Variants in LRP1B observed in about 807,000 individuals in gnomAD.
LRP1B encodes low-density lipoprotein receptor-related protein 1B.
Under a neutral mutation model 556.6 loss-of-function variants are expected in LRP1B, and 217 were observed. The ratio of observed to expected loss-of-function variants is 0.39; its 90% confidence interval spans 0.35 to 0.44. LRP1B has a LOEUF of 0.44. LRP1B is among the 20% of genes least tolerant of loss of function. LRP1B has a pLI of 1.00. For missense variants in LRP1B, 5,053 were observed against 5,620.8 expected, an observed-to-expected ratio of 0.90 and a Z score of 3.23; for synonymous variants, 2,047 against 1,865.8, an observed-to-expected ratio of 1.10 and a Z score of -2.50.
At chr2:141,818,144 G>A (rs1399676054) in intron 1 of LRP1B, among the ~76,000 whole-genome samples, 3 of 152,094 alleles carry the variant, frequency 2.0e-5, no homozygotes, top group Non-Finnish European at 1.5e-5. Flanking sequence ...TGCTAAAAGA[G>A]AAATATGGTT....
chr2:140,980,696 A>G (rs1013234978), intron 18 of LRP1B, among the ~76,000 whole-genome samples: 30 of 152,220 alleles, frequency 2.0e-4, no homozygotes, highest in Non-Finnish European at 4.4e-5. Context: ...TTCCTCAAAG[A>G]ACTAAAAGTA....
rs956915965 is a variant in LRP1B, at chr2:141,624,020, A to C, written c.206-143487T>G. Among the ~76,000 whole-genome samples, 24 of 124,964 alleles carry C rather than the reference A, an allele frequency of 1.9e-4. 1 individual carries two copies. Among genetic ancestry groups the C allele is most frequent in the Non-Finnish European group, 3.6e-4 (21 of 58,020 alleles). The allele number at this position is 124,964 out of a possible 152,430, so 82.0% of individuals were successfully genotyped here. A position where few individuals can be genotyped will look rare whatever the true frequency, so the allele number is the denominator to read the frequency against. On this transcript the variant is annotated intron_variant, in intron 2 of 90. Transcript: ENST00000389484. Reference sequence around the variant, plus strand: ...AACAGAGCAGAACTCCAACTCAAAAAAAAAAAAAAATTAAACAAAAAAAAA... The same window carrying C: ...AACAGAGCAGAACTCCAACTCAAAACAAAAAAAAAATTAAACAAAAAAAAA...
intron 1 of LRP1B, among the ~76,000 whole-genome samples, chr2:141,931,753 GT>G (rs1700513738): frequency 6.6e-6 from 1 of 151,962 alleles, no homozygotes; most frequent in Admixed American, 6.6e-5. Context: ...ATAAATACAT[GT>G]TTTAGAGAAG....
chr2:141,070,101 A>G (rs539354847), intron 7 of LRP1B, among the ~76,000 whole-genome samples: 56 of 151,482 alleles, frequency 3.7e-4, no homozygotes, highest in African/African-American at 1.2e-3. Context: ...ATGATTTCCA[A>G]TTTCATCCAT....
intron 37 of LRP1B, among the ~76,000 whole-genome samples, chr2:140,713,296 A>G (rs1027353764): frequency 6.7e-6 from 1 of 150,286 alleles, no homozygotes; most frequent in African/African-American, 2.4e-5. Flanking sequence ...TCCCTTTGGT[A>G]TTGGGATTTG....
chr2:141,094,236 A>C lies in LRP1B; in HGVS notation c.1014-31963T>G, dbSNP rs1032025044. Among the ~76,000 whole-genome samples, 25 of 152,332 alleles carry C rather than the reference A, an allele frequency of 1.6e-4. No individual in the cohort carries two copies. The Middle Eastern group carries it at 0.01, about 62-fold the overall frequency. ...ACTAAATATTCTTTAAACAAGTTTTAAATTGACATTTTGTTTATTCTAAAA... is the reference window on the plus strand; with the variant it reads ...ACTAAATATTCTTTAAACAAGTTTTCAATTGACATTTTGTTTATTCTAAAA... On this transcript the variant is annotated intron_variant, in intron 7 of 90. Coordinates refer to ENST00000389484, the MANE Select transcript of LRP1B (RefSeq NM_018557.3).
chr2:140,312,292 T>TTTAGGAGTAGAAGAAAGTAA (rs1305904925), intron 83 of LRP1B, among the ~76,000 whole-genome samples: 2 of 151,934 alleles, frequency 1.3e-5, no homozygotes, highest in Non-Finnish European at 2.9e-5. Context: ...AACTCCAAAC[T>TTTAGGAGTAGAAGAAAGTAA]TTAGGAGTAG....
chr2:141,342,193 G>A lies in LRP1B; in HGVS notation c.344-87552C>T, dbSNP rs565345351. 3.4e-4 allele frequency among the ~76,000 whole-genome samples: 51 copies of A among 148,014 alleles called. 1 individual carries two copies. Among genetic ancestry groups the A allele is most frequent in the Admixed American group, 1.8e-3 (27 of 14,764 alleles). ...TGGGAGGTGGAGGTTGCAGTGAGCC[G>A]AGATCGTGCCACCGCACTCCAGCCA... On this transcript the variant is annotated intron_variant, in intron 3 of 90. Transcript: ENST00000389484.
chr2:140,397,204 G>T (rs527929910), intron 66 of LRP1B, among the ~76,000 whole-genome samples: 2 of 151,728 alleles, frequency 1.3e-5, no homozygotes, highest in East Asian at 3.9e-4. Flanking sequence ...TTTAAGTTCT[G>T]GGGTACACGT....
intron 85 of LRP1B, among the ~76,000 whole-genome samples, chr2:140,271,411 G>A (rs1682455017): frequency 6.6e-6 from 1 of 151,858 alleles, no homozygotes; most frequent in African/African-American, 2.4e-5. Flanking sequence ...TCCCCATGAT[G>A]GATATCTATT....
chr2:141,350,270 ATGGGGCAAATGT>A (rs1319072821), intron 3 of LRP1B, among the ~76,000 whole-genome samples: 45 of 152,176 alleles, frequency 3.0e-4, no homozygotes, highest in African/African-American at 1.0e-3. Context: ...AACCATTTCA[ATGGGGCAAATGT>A]ACAAGTAGCA....
chr2:141,002,439 G>C (rs1399786355), intron 15 of LRP1B, among the ~76,000 whole-genome samples: 1 of 151,900 alleles, frequency 6.6e-6, no homozygotes, highest in Non-Finnish European at 1.5e-5. Context: ...TATCCAGGGG[G>C]GATTGATTCC....
At chr2:141,353,118 T>G (rs1688503421) in intron 3 of LRP1B, among the ~76,000 whole-genome samples, 1 of 151,972 alleles carries the variant, frequency 6.6e-6, no homozygotes, top group Admixed American at 6.6e-5. Context: ...TTTCTTTTTC[T>G]TGTGGACACA....
intron 2 of LRP1B, among the ~76,000 whole-genome samples, chr2:141,755,071 C>T (rs1046194790): frequency 1.3e-5 from 2 of 151,960 alleles, no homozygotes; most frequent in Non-Finnish European, 2.9e-5. Flanking sequence ...GCAATGGTTG[C>T]AATAGGATCA....
Position 140,969,227 on chromosome 2 carries a change from A to G in LRP1B, c.2887+12933T>C, listed in dbSNP as rs573750583. Among the ~76,000 whole-genome samples the G allele has an allele frequency of 1.6e-4, 24 of 152,340 alleles. 1 individual carries two copies. In the East Asian group the frequency reaches 3.7e-3, roughly 23 times the overall value. ...ATCTGGGTGCTCCTGTATTGGGTGCATATATATTTAAGATAGTTAGCTCTT... is the reference window on the plus strand; with the variant it reads ...ATCTGGGTGCTCCTGTATTGGGTGCGTATATATTTAAGATAGTTAGCTCTT... On this transcript the variant is annotated intron_variant, in intron 18 of 90. Transcript: ENST00000389484.
chr2:141,854,130 T>A (rs760476577), intron 1 of LRP1B, among the ~76,000 whole-genome samples: 53 of 152,156 alleles, frequency 3.5e-4, no homozygotes, highest in Non-Finnish European at 6.8e-4. Context: ...TGCATTCATG[T>A]AAACCCTTTC....
chr2:141,945,859 A>G (rs1255267564), intron 1 of LRP1B, among the ~76,000 whole-genome samples: 6 of 152,296 alleles, frequency 3.9e-5, no homozygotes, highest in African/African-American at 1.4e-4. Context: ...ATATTGTTTC[A>G]GTCTGTTTTT....
intron 2 of LRP1B, among the ~76,000 whole-genome samples, chr2:141,552,239 C>T (rs1685780997): frequency 6.6e-6 from 1 of 151,878 alleles, no homozygotes; most frequent in South Asian, 2.1e-4. Flanking sequence ...TACTTAAAAG[C>T]TATATTGGTG....
chr2:140,312,788 A>G (rs980533175), intron 83 of LRP1B, among the ~76,000 whole-genome samples: 29 of 151,904 alleles, frequency 1.9e-4, no homozygotes, highest in African/African-American at 6.5e-4. Context: ...TCATTATTAC[A>G]AACAGTAACC....
Sources: gnomAD v4.1 joint callset for allele counts (sites outside exome capture counted in the v4.1 genomes callset) on GRCh38, gnomAD v4.1.1 for gene constraint, MANE v1.5 for transcripts, NCBI Gene and HGNC (gene_info 2026-07-23, HGNC 2026-07-21) for gene names.